Variants in IL1RAPL2 observed in about 807,000 individuals in gnomAD.
IL1RAPL2 encodes the protein X-linked interleukin-1 receptor accessory protein-like 2.
In IL1RAPL2, 3 loss-of-function variants were observed where a neutral mutation model predicts 44.1. That is an observed-to-expected ratio of 0.07 (90% CI 0.03 to 0.18). The LOEUF (loss-of-function observed/expected upper bound fraction) is 0.18. IL1RAPL2 is among the 10% of genes least tolerant of loss of function. The pLI, the probability that IL1RAPL2 is intolerant of heterozygous loss-of-function variation, is 1.00. For synonymous variants in IL1RAPL2, 181 were observed against 178.8 expected, an observed-to-expected ratio of 1.01 and a Z score of -0.10; for missense variants, 391 against 496.4, an observed-to-expected ratio of 0.79 and a Z score of 2.02.
intron 2 of IL1RAPL2, among the ~76,000 whole-genome samples, chrX:105,101,313 G>A (rs1436825661): frequency 8.9e-6 from 1 of 111,870 alleles, no homozygotes; most frequent in Non-Finnish European, 1.9e-5. Flanking sequence ...ATATCAGCAA[G>A]GGCAGAAAAA....
intron 2 of IL1RAPL2, among the ~76,000 whole-genome samples, chrX:105,012,103 A>G (rs1036999497): frequency 3.6e-5 from 4 of 111,375 alleles, no homozygotes; most frequent in Non-Finnish European, 7.6e-5. Flanking sequence ...TTGGTTTTCA[A>G]ACACCTCAAG....
chrX:105,721,015 G>A (rs1398085913), intron 7 of IL1RAPL2, among the ~76,000 whole-genome samples: 1 of 111,045 alleles, frequency 9.0e-6, no homozygotes, highest in Non-Finnish European at 1.9e-5. Context: ...AATGGTCATA[G>A]CAGCTTTCTT....
At chrX:104,975,510 T>A (rs2030315384) in intron 2 of IL1RAPL2, among the ~76,000 whole-genome samples, 1 of 112,469 alleles carries the variant, frequency 8.9e-6, no homozygotes, top group Non-Finnish European at 1.9e-5. Flanking sequence ...TTTACAAAAT[T>A]GGAATATGAC....
intron 5 of IL1RAPL2, among the ~76,000 whole-genome samples, chrX:105,317,735 C>G (rs1335939173): frequency 9.0e-6 from 1 of 110,504 alleles, no homozygotes; most frequent in South Asian, 3.9e-4. Flanking sequence ...TGGCATTTTT[C>G]TTTTTTCCCC....
At chrX:104,809,857 G>A (rs1050590894) in intron 2 of IL1RAPL2, among the ~76,000 whole-genome samples, 6 of 111,159 alleles carry the variant, frequency 5.4e-5, no homozygotes, top group African/African-American at 1.6e-4. Flanking sequence ...TTTTTATGGC[G>A]ATTCCTCAGG....
chrX:104,726,986 TA>T (rs1307020478), intron 2 of IL1RAPL2, among the ~76,000 whole-genome samples: 120 of 105,386 alleles, frequency 1.1e-3, no homozygotes, highest in African/African-American at 2.8e-3. Flanking sequence ...ACCTGAAAAT[TA>T]AAAAAAAAAA....
intron 5 of IL1RAPL2, among the ~76,000 whole-genome samples, chrX:105,326,718 T>A (rs746119639): frequency 8.9e-6 from 1 of 111,854 alleles, no homozygotes; most frequent in Non-Finnish European, 1.9e-5. Flanking sequence ...GGGTTTTTTT[T>A]ATTCCATTGA....
chrX:104,687,923 TC>T (rs1452116920), intron 2 of IL1RAPL2, among the ~76,000 whole-genome samples: 1 of 111,260 alleles, frequency 9.0e-6, no homozygotes, highest in African/African-American at 3.3e-5. Flanking sequence ...CCAGGTTCGT[TC>T]TAAATAACAA....
intron 2 of IL1RAPL2, among the ~76,000 whole-genome samples, chrX:104,740,996 A>G (rs1179650923): frequency 9.0e-6 from 1 of 111,368 alleles, no homozygotes; most frequent in African/African-American, 3.2e-5. Context: ...TTTTGATATC[A>G]ATGTGTCTTA....
chrX:104,947,599 T>C (rs1925419934), intron 2 of IL1RAPL2, among the ~76,000 whole-genome samples: 1 of 104,465 alleles, frequency 9.6e-6, no homozygotes, highest in African/African-American at 3.5e-5. Flanking sequence ...TTGTATAAGG[T>C]GTAAGGAAGG....
At chrX:104,960,880 A>G (rs191352983) in intron 2 of IL1RAPL2, among the ~76,000 whole-genome samples, 1 of 111,807 alleles carries the variant, frequency 8.9e-6, no homozygotes, top group East Asian at 2.8e-4. Context: ...GGAGAAAGAA[A>G]AATCTGAGAA....
At chrX:105,237,091 C>T (rs979798195) in intron 4 of IL1RAPL2, among the ~76,000 whole-genome samples, 1 of 111,357 alleles carries the variant, frequency 9.0e-6, no homozygotes, top group Non-Finnish European at 1.9e-5. Flanking sequence ...TGAGAACATG[C>T]AGTGTTTGGT....
In IL1RAPL2 at chrX:105,280,972, G is replaced by A. The variant is rs192448449; in HGVS notation, c.697+13431G>A. 1.3e-4 allele frequency among the ~76,000 whole-genome samples: 14 copies of A among 110,741 alleles called. No homozygotes were observed. In the East Asian group the frequency reaches 1.7e-3, roughly 13 times the overall value. ...ATCATTCTACTATAAAGGCACATGC[G>A]CCCATGTTTATTGCAGCACTCTTCA... On this transcript the variant is annotated intron_variant, in intron 5 of 10. Transcript: ENST00000372582.
At chrX:105,315,666 G>A (rs2034835076) in intron 5 of IL1RAPL2, among the ~76,000 whole-genome samples, 1 of 90,229 alleles carries the variant, frequency 1.1e-5, no homozygotes, top group South Asian at 6.7e-4. Context: ...CAAGCTTGAG[G>A]AGCAAGGAGA....
chrX:105,014,638 A>G (rs150137476), intron 2 of IL1RAPL2, among the ~76,000 whole-genome samples: 14 of 112,435 alleles, frequency 1.2e-4, no homozygotes, highest in African/African-American at 4.5e-4. Context: ...TGCAAAGGGC[A>G]TGAACTAATC....
intron 1 of IL1RAPL2, among the ~76,000 whole-genome samples, chrX:104,654,811 G>A (rs1930222199): frequency 9.0e-6 from 1 of 111,155 alleles, no homozygotes; most frequent in South Asian, 3.8e-4. Context: ...ATGAGGACAG[G>A]ATGTTCTTCT....
At chrX:105,589,083 G>A (rs772133160) in intron 6 of IL1RAPL2, among the ~76,000 whole-genome samples, 67 of 111,717 alleles carry the variant, frequency 6.0e-4, no homozygotes, top group African/African-American at 2.1e-3. Flanking sequence ...GCCATTCCAA[G>A]TGGAGTGAGA....
At chrX:105,676,630 A>G (rs765483360) in intron 6 of IL1RAPL2, among the ~76,000 whole-genome samples, 149 of 112,205 alleles carry the variant, frequency 1.3e-3, no homozygotes, top group South Asian at 2.6e-3. Flanking sequence ...CTATGTCTCT[A>G]AAGGAACCTG....
chrX:105,418,890 A>G (rs1028317881), intron 5 of IL1RAPL2, among the ~76,000 whole-genome samples: 2 of 112,178 alleles, frequency 1.8e-5, no homozygotes, highest in East Asian at 5.6e-4. Context: ...ACAACTGACA[A>G]AAGTCCCTAA....
Sources: allele counts gnomAD v4.1 joint callset (sites outside exome capture counted in the v4.1 genomes callset), GRCh38; gene constraint gnomAD v4.1.1; transcripts MANE v1.5; gene names NCBI Gene and HGNC (gene_info 2026-07-23, HGNC 2026-07-21).